Variants in ANP32A observed in about 807,000 individuals in gnomAD.
ANP32A encodes acidic leucine-rich nuclear phosphoprotein 32 family member A.
In ANP32A, 1 loss-of-function variant was observed where a neutral mutation model predicts 33.9. That is an observed-to-expected ratio of 0.03 (90% CI 0.01 to 0.14). ANP32A has a LOEUF of 0.14. Among genes scored for constraint, ANP32A ranks in the 10% least tolerant of loss-of-function variants. The pLI is 1.00. For synonymous variants in ANP32A, 115 were observed against 120.5 expected (o/e 0.95, Z 0.30); for missense variants, 155 against 306.0 (o/e 0.51, Z 3.68).
chr15:68,797,312 A>T (rs1894075767), intron 1 of ANP32A, among the ~76,000 whole-genome samples: 1 of 152,128 alleles, frequency 6.6e-6, no homozygotes. Flanking sequence ...ATCACTACTC[A>T]GATCCATGAG....
chr15:68,815,635 T>G (rs1322978240), intron 1 of ANP32A, among the ~76,000 whole-genome samples: 1 of 152,158 alleles, frequency 6.6e-6, no homozygotes, highest in Non-Finnish European at 1.5e-5. Context: ...AGCCCAGGAA[T>G]CTGCATTTTA....
intron 1 of ANP32A, among the ~76,000 whole-genome samples, chr15:68,795,725 T>A (rs1347938811): frequency 6.6e-6 from 1 of 152,204 alleles, no homozygotes; most frequent in Non-Finnish European, 1.5e-5. Context: ...CAAATGGGCC[T>A]GTTTAGCTGG....
chr15:68,812,503 G>A (rs1185757775), intron 1 of ANP32A, among the ~76,000 whole-genome samples: 1 of 152,158 alleles, frequency 6.6e-6, no homozygotes, highest in Non-Finnish European at 1.5e-5. Flanking sequence ...GACATAAGGA[G>A]AGCAGCTGGA....
At chr15:68,818,685 G>A (rs1411311750) in intron 1 of ANP32A, among the ~76,000 whole-genome samples, 2 of 152,082 alleles carry the variant, frequency 1.3e-5, no homozygotes, top group Non-Finnish European at 2.9e-5. Context: ...TGCTCCCGGG[G>A]GGCCGGCAGC....
In ANP32A at chr15:68,800,984, G is replaced by C. The variant is rs548927463; in HGVS notation, c.55-13065C>G. Reference sequence around the variant, plus strand: ...GCTAGGAAGCCAGGTGGGTACGAGAGAATTTGTGGAAGGGAAGAAAGGAGG... The same window carrying C: ...GCTAGGAAGCCAGGTGGGTACGAGACAATTTGTGGAAGGGAAGAAAGGAGG... On this transcript the variant is annotated intron_variant, in intron 1 of 6. Transcript: ENST00000465139. Among the ~76,000 whole-genome samples, 6 of 44,952 alleles carry C rather than the reference G, an allele frequency of 1.3e-4. No individual in the cohort carries two copies. In the East Asian group the frequency reaches 2.2e-3, roughly 16 times the overall value. The allele number at this position is 44,952 out of a possible 152,430, so 29.5% of individuals were successfully genotyped here. A position where few individuals can be genotyped will look rare whatever the true frequency, so the allele number is the denominator to read the frequency against.
intron 3 of ANP32A, 71 bp from the exon 4 acceptor site, chr15:68,784,666 C>T: frequency 6.5e-7 from 1 of 1,548,272 alleles, no homozygotes; most frequent in African/African-American, 1.4e-5. Flanking sequence ...CCCTAGCAAA[C>T]AGGCAAGGAT....
intron 1 of ANP32A, chr15:68,789,150 A>C (rs1363888943): frequency 1.3e-5 from 2 of 152,272 alleles, no homozygotes; most frequent in East Asian, 3.9e-4. Context: ...GACACCTTAA[A>C]TGTGATCCCT....
chr15:68,794,673 T>C (rs1260876557), intron 1 of ANP32A, among the ~76,000 whole-genome samples: 2 of 152,244 alleles, frequency 1.3e-5, no homozygotes, highest in Non-Finnish European at 2.9e-5. Flanking sequence ...CTTGTGATTT[T>C]GTTGTTTTAA....
At chr15:68,797,554 CA>C (rs1894079024) in intron 1 of ANP32A, among the ~76,000 whole-genome samples, 2 of 152,174 alleles carry the variant, frequency 1.3e-5, no homozygotes, top group African/African-American at 4.8e-5. Context: ...GGATCAAGTG[CA>C]AATCCAGAGT....
intron 1 of ANP32A, among the ~76,000 whole-genome samples, chr15:68,814,376 A>G (rs1894352493): frequency 6.6e-6 from 1 of 152,016 alleles, no homozygotes; most frequent in Non-Finnish European, 1.5e-5. Flanking sequence ...CCTGGGCAAC[A>G]CGGCAAAACC....
chr15:68,806,886 G>A (rs1435270649), intron 1 of ANP32A, among the ~76,000 whole-genome samples: 2 of 152,240 alleles, frequency 1.3e-5, no homozygotes, highest in East Asian at 3.8e-4. Flanking sequence ...ACTCCCACTG[G>A]CAGCCAGGCA....
At chr15:68,812,293 C>T (rs79461199) in intron 1 of ANP32A, among the ~76,000 whole-genome samples, 4,013 of 152,310 alleles carry the variant, frequency 0.026, 112 homozygotes, top group East Asian at 0.15. Context: ...GTCCTCTCTC[C>T]ACAATCTTCC....
intron 1 of ANP32A, among the ~76,000 whole-genome samples, chr15:68,818,007 G>A (rs1306746382): frequency 2.0e-5 from 3 of 152,196 alleles, no homozygotes; most frequent in Non-Finnish European, 4.4e-5. Flanking sequence ...GCGCCCTTCG[G>A]GCTCAGCCCC....
At chr15:68,800,921 TC>T (rs2140367038) in intron 1 of ANP32A, among the ~76,000 whole-genome samples, 1 of 151,786 alleles carries the variant, frequency 6.6e-6, no homozygotes, top group Admixed American at 6.6e-5. Context: ...AGGGCAAAGA[TC>T]CTGAGTGGGT....
intron 1 of ANP32A, among the ~76,000 whole-genome samples, chr15:68,815,678 T>C (rs978874678): frequency 1.3e-5 from 2 of 152,214 alleles, no homozygotes; most frequent in African/African-American, 4.8e-5. Flanking sequence ...TAATGGGCCA[T>C]GGACCCAATG....
chr15:68,787,998 A>G (rs1260802852), intron 1 of ANP32A, 79 bp from the exon 2 acceptor site: 1 of 1,546,346 alleles, frequency 6.5e-7, no homozygotes, highest in Admixed American at 1.7e-5. Context: ...GACTCCTCAG[A>G]GAACAGGGAG....
chr15:68,802,956 G>A (rs1200256594), intron 1 of ANP32A, among the ~76,000 whole-genome samples: 2 of 152,110 alleles, frequency 1.3e-5, no homozygotes, highest in African/African-American at 4.8e-5. Context: ...GCCCAGCCCA[G>A]AGTCCTACTA....
At position 68,820,694 on chromosome 15, in the gene ANP32A, T is replaced by G. The variant is rs747853905; in HGVS notation, c.54+4A>C. 1 of 1,536,052 alleles carries G rather than the reference T, an allele frequency of 6.5e-7. No individual in the cohort carries two copies. Among genetic ancestry groups the G allele is most frequent in the Non-Finnish European group, 8.8e-7 (1 of 1,133,660 alleles). On this transcript the variant is annotated splice_donor_region_variant and intron_variant, in intron 1 of 6. Transcript: ENST00000465139. ...CGACAGAGATATTTTTGGCAAATGC[T>G]CACATCAGAGGGCGTCCTGTTCCGC... is the stretch of plus-strand genomic sequence containing the variant.
At position 68,820,840 on chromosome 15, in the gene ANP32A, G is replaced by C. The variant is rs538981275; in HGVS notation, c.-89C>G. 6.4e-5 allele frequency: 97 copies of C among 1,518,772 alleles called. No homozygotes were observed. The African/African-American group carries it at 1.2e-3, about 18-fold the overall frequency. 94.1% of individuals were successfully genotyped at this position (1,518,772 alleles called of 1,614,324 possible). Reference sequence around the variant, plus strand: ...CCACGGCCGCGCGTTTTAGGACTTTGAAGGCTCAACCAGCTCCGCTCGGTT... The same window carrying C: ...CCACGGCCGCGCGTTTTAGGACTTTCAAGGCTCAACCAGCTCCGCTCGGTT... On this transcript the variant is annotated 5_prime_UTR_variant, in exon 1 of 7. Transcript: ENST00000465139.
Sources: allele counts gnomAD v4.1 joint callset (sites outside exome capture counted in the v4.1 genomes callset), GRCh38; gene constraint gnomAD v4.1.1; transcripts MANE v1.5; gene names NCBI Gene and HGNC (gene_info 2026-07-23, HGNC 2026-07-21).